ABL2: variants seen among roughly 807,000 people sequenced by gnomAD.
ABL2 encodes the protein ABL proto-oncogene 2, non-receptor tyrosine kinase.
ABL2 carries 49 observed loss-of-function variants against 107.7 expected under a neutral mutation model. That is an observed-to-expected ratio of 0.45 (90% CI 0.36 to 0.58). The LOEUF (loss-of-function observed/expected upper bound fraction) is 0.58, where lower values mean the gene tolerates loss of function less well. Ranked by LOEUF, ABL2 falls within the 20% of genes least tolerant of loss-of-function variation. ABL2 has a pLI of 0.00. For missense variants in ABL2, 1,245 were observed against 1,457.0 expected, an observed-to-expected ratio of 0.85 and a Z score of 2.37; for synonymous variants, 549 against 548.6, an observed-to-expected ratio of 1.00 and a Z score of -0.01.
chr1:179,213,092 T>C (rs1662372807), intron 1 of ABL2, among the ~76,000 whole-genome samples: 5 of 151,202 alleles, frequency 3.3e-5, no homozygotes, highest in Middle Eastern at 6.9e-3. Context: ...ACAAATGCCA[T>C]TTTACTTTTT....
intron 10 of ABL2, among the ~76,000 whole-genome samples, chr1:179,111,722 G>T (rs1400739281): frequency 6.6e-6 from 1 of 151,974 alleles, no homozygotes; most frequent in Non-Finnish European, 1.5e-5. Context: ...CTAAGTTAAA[G>T]TTAACCTTTA....
At chr1:179,170,587 T>C (rs759287701) in intron 1 of ABL2, among the ~76,000 whole-genome samples, 1 of 151,954 alleles carries the variant, frequency 6.6e-6, no homozygotes, top group Non-Finnish European at 1.5e-5. Context: ...CAGCTAATTT[T>C]TGTATTTGTA....
chr1:179,205,146 C>A (rs994249633), intron 1 of ABL2, among the ~76,000 whole-genome samples: 1 of 151,798 alleles, frequency 6.6e-6, no homozygotes, highest in African/African-American at 2.4e-5. Flanking sequence ...CCTGCCTCAG[C>A]CTCCTGAGTA....
In ABL2 at chr1:179,229,645, C is replaced by CGCT; in HGVS notation, c.-249_-248insAGC. ...TCCGCGCCCCCAACGCCGCCGCCGC[C>CGCT]GCCGCCGCCACCGCCGCCGCCATCT... On this transcript the variant is annotated 5_prime_UTR_variant, in exon 1 of 12. Coordinates refer to ENST00000502732, the MANE Select transcript of ABL2 (RefSeq NM_007314.4). The CGCT allele has an allele frequency of 4.0e-6, 2 of 504,340 alleles. No homozygotes were observed. Among genetic ancestry groups the CGCT allele is most frequent in the East Asian group, 3.7e-5 (1 of 27,370 alleles). The allele number at this position is 504,340 out of a possible 1,614,324, so 31.2% of individuals were successfully genotyped here.
chr1:179,174,252 C>T (rs1402950821), intron 1 of ABL2, among the ~76,000 whole-genome samples: 1 of 151,262 alleles, frequency 6.6e-6, no homozygotes, highest in African/African-American at 2.4e-5. Context: ...CGTGCCACTG[C>T]ACTCCAGCCT....
rs28914532 is a variant in ABL2, at chr1:179,121,616, T to C, written c.939A>G (p.Thr313=). 5,215 of 1,614,138 alleles carry C rather than the reference T, an allele frequency of 3.2e-3. 110 individuals are homozygous for C. In the African/African-American group the frequency reaches 0.052, roughly 16 times the overall value. ...CCACCTTCAATGTTTTCACAGCAAC[T>C]GTAAGGCTGTATTTCTTCCAGACGC... is the stretch of plus-strand genomic sequence containing the variant. The part of the protein sequence containing the change: ...YVGVWKKYSL[T]VAVKTLKEDT... The change falls in exon 5 of 12, where the codon ACA becomes ACG. Residue 313 remains threonine (T), a synonymous_variant. Transcript: ENST00000502732.
intron 1 of ABL2, chr1:179,183,963 G>A (rs1203368083): frequency 7.5e-6 from 2 of 265,650 alleles, no homozygotes; most frequent in South Asian, 4.9e-5. Flanking sequence ...AAAAAGAACA[G>A]CAGGAAGCAA....
chr1:179,178,202 A>AGCCT (rs1387462283), intron 1 of ABL2, among the ~76,000 whole-genome samples: 1 of 151,970 alleles, frequency 6.6e-6, no homozygotes, highest in Non-Finnish European at 1.5e-5. Flanking sequence ...GTTCCAGACC[A>AGCCT]GCCTGGTCAA....
intron 1 of ABL2, among the ~76,000 whole-genome samples, chr1:179,151,660 A>C (rs2636278): frequency 0.3 from 46,141 of 152,066 alleles, 7,720 homozygotes; most frequent in Admixed American, 0.38. Flanking sequence ...CTCTTTTTCT[A>C]CATCAGTATT....
At chr1:179,120,090 T>A in intron 6 of ABL2, 100 bp downstream of exon 6, 1 of 696,256 alleles carries the variant, frequency 1.4e-6, no homozygotes, top group East Asian at 2.8e-5. Flanking sequence ...AGACCCTGTC[T>A]CTATATTTAA....
chr1:179,153,474 T>TC (rs1658490858), intron 1 of ABL2, among the ~76,000 whole-genome samples: 1 of 152,126 alleles, frequency 6.6e-6, no homozygotes, highest in South Asian at 2.1e-4. Flanking sequence ...CCTTCCAGCT[T>TC]CTAGTGGCTG....
At position 179,104,361 on chromosome 1, in the gene ABL2, A is replaced by C. The variant is rs1233818606; in HGVS notation, c.*3357T>G. 4.5e-6 allele frequency: 1 copy of C among 224,228 alleles called. No homozygotes were observed. Among genetic ancestry groups the C allele is most frequent in the Non-Finnish European group, 8.9e-6 (1 of 112,498 alleles). 13.9% of individuals were successfully genotyped at this position (224,228 alleles called of 1,614,324 possible). On this transcript the variant is annotated 3_prime_UTR_variant, in exon 12 of 12. Transcript: ENST00000502732. ...TTAAACTCAAAATCTCCATGACTTT[A>C]GTTAAATAAAAATGGGCAGTGCCTT...
At chr1:179,130,358 C>T (rs952373189) in intron 3 of ABL2, among the ~76,000 whole-genome samples, 5 of 152,242 alleles carry the variant, frequency 3.3e-5, no homozygotes, top group African/African-American at 1.2e-4. Flanking sequence ...TACTAGTCCA[C>T]AGTGAGATTA....
At chr1:179,204,934 T>C (rs143743418) in intron 1 of ABL2, among the ~76,000 whole-genome samples, 4 of 152,206 alleles carry the variant, frequency 2.6e-5, no homozygotes, top group African/African-American at 9.6e-5. Flanking sequence ...ACATGAGTAG[T>C]GTCTCCAACG....
At chr1:179,189,226 C>G (rs931989854) in intron 1 of ABL2, among the ~76,000 whole-genome samples, 1 of 152,094 alleles carries the variant, frequency 6.6e-6, no homozygotes, top group African/African-American at 2.4e-5. Context: ...ACCTTCGTCT[C>G]CCAGGTTCAA....
At chr1:179,118,894 G>A (rs1272668843) in intron 6 of ABL2, 130 bp from the exon 7 acceptor site, 15 of 953,730 alleles carry the variant, frequency 1.6e-5, no homozygotes, top group African/African-American at 8.3e-5. Context: ...TTACCACCAC[G>A]TTCTCTGAAA....
At chr1:179,201,570 A>C in intron 1 of ABL2, 1 of 369,108 alleles carries the variant, frequency 2.7e-6, no homozygotes, top group South Asian at 2.7e-5. Flanking sequence ...TGGCATGCCT[A>C]AGGCATTTGG....
intron 1 of ABL2, among the ~76,000 whole-genome samples, chr1:179,191,816 C>A (rs2816201): frequency 0.5 from 75,851 of 151,880 alleles, 19,076 homozygotes; most frequent in Admixed American, 0.55. Context: ...GTTTTCAAAA[C>A]AATTACTAAG....
chr1:179,177,728 G>A (rs1660130493), intron 1 of ABL2, among the ~76,000 whole-genome samples: 1 of 152,158 alleles, frequency 6.6e-6, no homozygotes, highest in Non-Finnish European at 1.5e-5. Context: ...TTTCTGCAAA[G>A]TTAGACTATG....
Sources: gnomAD v4.1 joint callset for allele counts (sites outside exome capture counted in the v4.1 genomes callset) on GRCh38, gnomAD v4.1.1 for gene constraint, MANE v1.5 for transcripts, NCBI Gene and HGNC (gene_info 2026-07-23, HGNC 2026-07-21) for gene names.